Variants in SPPL2A observed in about 807,000 individuals in gnomAD.
SPPL2A encodes the protein signal peptide peptidase like 2A.
SPPL2A carries 51 observed loss-of-function variants against 63.8 expected under a neutral mutation model. The ratio of observed to expected loss-of-function variants is 0.80; its 90% CI spans 0.64 to 1.01. SPPL2A has a LOEUF of 1.01. Among genes scored for constraint, SPPL2A ranks in the 50% least tolerant of loss-of-function variants. The probability of loss-of-function intolerance (pLI) is 0.00; values close to 1 mark genes in which losing one functional copy is unlikely to be tolerated. For synonymous variants in SPPL2A, 188 were observed against 205.8 expected, an observed-to-expected ratio of 0.91 and a Z score of 0.74; for missense variants, 553 against 622.7, an observed-to-expected ratio of 0.89 and a Z score of 1.19.
At chr15:50,736,241 G>A in intron 7 of SPPL2A, 39 bp from the exon 8 acceptor site, 1 of 1,156,808 alleles carries the variant, frequency 8.6e-7, no homozygotes, top group Non-Finnish European at 1.3e-6. Context: ...TGCAGATGAA[G>A]TACAATGTTC....
At chr15:50,724,520 G>C (rs532784206) in intron 12 of SPPL2A, among the ~76,000 whole-genome samples, 2 of 151,794 alleles carry the variant, frequency 1.3e-5, no homozygotes, top group Admixed American at 6.6e-5. Flanking sequence ...GGAGGTTGCA[G>C]TGAGCTGAGG....
In SPPL2A at chr15:50,739,815, C is replaced by A. The variant is rs61752331; in HGVS notation, c.598G>T (p.Ala200Ser). ...SGLVELENLKAVTTEDREMRK... is the reference protein window; with the variant it reads ...SGLVELENLKSVTTEDREMRK... ...ATTTCTCTATCTTCAGTTGTCACTG[C>A]TTTCAAGTTTTCCCTGTACAAACAC... The change falls in exon 6 of 15, where the codon GCA (alanine) becomes TCA (serine). Residue 200 changes from alanine (A) to serine (S), a missense_variant. Physicochemically the swap from Ala to Ser is moderately conservative, Grantham distance 99. Transcript: ENST00000261854. 3,778 of 1,600,360 alleles carry A rather than the reference C, an allele frequency of 2.4e-3. 10 individuals carry two copies. Among genetic ancestry groups the A allele is most frequent in the Middle Eastern group, 8.8e-3 (53 of 6,028 alleles).
chr15:50,726,721 G>A (rs2141030734), intron 10 of SPPL2A, among the ~76,000 whole-genome samples: 1 of 152,286 alleles, frequency 6.6e-6, no homozygotes, highest in Middle Eastern at 3.4e-3. Context: ...AGTACTTTTA[G>A]TTACATTATG....
Position 50,725,340 on chromosome 15 carries a change from C to G in SPPL2A, c.1147-17G>C. On this transcript the variant is annotated splice_polypyrimidine_tract_variant and intron_variant, in intron 11 of 14. Coordinates refer to ENST00000261854, the MANE Select transcript of SPPL2A (RefSeq NM_032802.4). ...TACTGGCAACTGTTCAAAAACAAAA[C>G]AAAACAAAACAAAACAAAACAAAAA... The G allele has an allele frequency of 8.2e-7, 1 of 1,214,860 alleles. No homozygotes were observed. Among genetic ancestry groups the G allele is most frequent in the Non-Finnish European group, 1.2e-6 (1 of 846,238 alleles). 75.3% of individuals were successfully genotyped at this position (1,214,860 alleles called of 1,614,324 possible).
intron 1 of SPPL2A, among the ~76,000 whole-genome samples, chr15:50,755,604 G>A (rs1226930835): frequency 7.7e-6 from 1 of 130,462 alleles, no homozygotes; most frequent in African/African-American, 3.1e-5. Flanking sequence ...CTAGGGCCTA[G>A]GTGACAGAAG....
At chr15:50,725,750 G>T (rs1274932713) in intron 11 of SPPL2A, among the ~76,000 whole-genome samples, 1 of 152,052 alleles carries the variant, frequency 6.6e-6, no homozygotes, top group Non-Finnish European at 1.5e-5. Context: ...TTCTAGAAAT[G>T]GAATGATTAA....
chr15:50,744,280 CA>C (rs958543393), intron 5 of SPPL2A, among the ~76,000 whole-genome samples: 1 of 151,932 alleles, frequency 6.6e-6, no homozygotes, highest in African/African-American at 2.4e-5. Context: ...TTTCCAAATA[CA>C]AAAAATGTTT....
chr15:50,718,855 A>T (rs2062620752), intron 14 of SPPL2A, among the ~76,000 whole-genome samples: 1 of 152,166 alleles, frequency 6.6e-6, no homozygotes, highest in African/African-American at 2.4e-5. Context: ...CCACCCATCC[A>T]AAGTGTCTCT....
rs150054505 is a variant in SPPL2A, at chr15:50,747,515, G to A, written c.564C>T (p.Tyr188=). 3.7e-6 allele frequency: 6 copies of A among 1,610,894 alleles called. No homozygotes were observed. Among genetic ancestry groups the A allele is most frequent in the Non-Finnish European group, 5.1e-6 (6 of 1,178,954 alleles). Residue 188 remains tyrosine (Y), a synonymous_variant, in exon 5 of 15, where the codon TAC becomes TAT. Transcript: ENST00000261854. ...CTTACAATTCAACTAGTCCACTCCAGTATCCACCTAATGCCACAGTGAACA... is the reference window on the plus strand; with the variant it reads ...CTTACAATTCAACTAGTCCACTCCAATATCCACCTAATGCCACAGTGAACA... ...IAVFTVALGG[Y]WSGLVELENL... is the part of the protein sequence containing the mutation.
At chr15:50,717,794 C>A (rs1316446390) in intron 14 of SPPL2A, among the ~76,000 whole-genome samples, 1 of 152,116 alleles carries the variant, frequency 6.6e-6, no homozygotes, top group Non-Finnish European at 1.5e-5. Flanking sequence ...AAAGTCTGGA[C>A]ATAAATTTAA....
intron 11 of SPPL2A, 157 bp downstream of exon 11, chr15:50,726,164 T>TAGAATAACTA (rs1376832571): frequency 6.6e-7 from 1 of 1,505,816 alleles, no homozygotes; most frequent in African/African-American, 1.4e-5. Context: ...TTTAATAATT[T>TAGAATAACTA]AGAATAACTA....
At chr15:50,725,014 C>T (rs1357654022) in intron 12 of SPPL2A, among the ~76,000 whole-genome samples, 1 of 152,070 alleles carries the variant, frequency 6.6e-6, no homozygotes, top group Non-Finnish European at 1.5e-5. Flanking sequence ...CTTTTTGAGC[C>T]ATGGGAGCTA....
intron 1 of SPPL2A, among the ~76,000 whole-genome samples, chr15:50,759,549 C>T (rs146712097): frequency 9.7e-4 from 147 of 152,246 alleles, no homozygotes; most frequent in African/African-American, 3.4e-3. Context: ...CAAGACCATC[C>T]TGGCTAACAC....
At position 50,736,907 on chromosome 15, in the gene SPPL2A, G is replaced by GTT. The variant is rs35812835; in HGVS notation, c.734-169_734-168dup. Among the ~76,000 whole-genome samples the GTT allele has an allele frequency of 9.2e-4, 139 of 150,524 alleles. 1 individual carries two copies. The highest frequency in any genetic ancestry group is 2.6e-3 in the East Asian group (13 of 5,038). On this transcript the variant is annotated intron_variant, in intron 6 of 14. Coordinates refer to ENST00000261854, the MANE Select transcript of SPPL2A (RefSeq NM_032802.4). ...ACTAAGCTGAAATTTAGATCGTGAGGTTTTTTGTTTTTTTTTCTGAGAGTC... is the reference window on the plus strand; with the variant it reads ...ACTAAGCTGAAATTTAGATCGTGAGGTTTTTTTTGTTTTTTTTTCTGAGAGTC...
intron 14 of SPPL2A, among the ~76,000 whole-genome samples, chr15:50,719,213 T>C (rs961209958): frequency 2.0e-5 from 3 of 152,172 alleles, no homozygotes; most frequent in African/African-American, 7.2e-5. Context: ...GAATGCCCTA[T>C]CTAGTTTGGT....
At chr15:50,731,246 G>A (rs556199520) in intron 9 of SPPL2A, among the ~76,000 whole-genome samples, 2 of 151,676 alleles carry the variant, frequency 1.3e-5, no homozygotes, top group African/African-American at 2.4e-5. Flanking sequence ...AAAAATCACC[G>A]AACCAAAGAA....
chr15:50,706,612 CG>C lies in SPPL2A; in HGVS notation c.*1187del, dbSNP rs2062511786. On this transcript the variant is annotated 3_prime_UTR_variant, in exon 15 of 15. Transcript: ENST00000261854. ...GGGCATCAGGAAGAAAAAAAGATAA[CG>C]GGTGGGAGTGGGGGAATGTGGGATA... 6.6e-6 allele frequency: 1 copy of C among 151,566 alleles called. No individual in the cohort carries two copies. The highest frequency in any genetic ancestry group is 2.4e-5 in the African/African-American group (1 of 41,254). 9.4% of individuals were successfully genotyped at this position (151,566 alleles called of 1,614,324 possible).
intron 5 of SPPL2A, among the ~76,000 whole-genome samples, chr15:50,740,749 T>A (rs1288281761): frequency 6.6e-6 from 1 of 152,112 alleles, no homozygotes; most frequent in Non-Finnish European, 1.5e-5. Flanking sequence ...TAGCTGGGAC[T>A]ACAGGCACAT....
intron 1 of SPPL2A, among the ~76,000 whole-genome samples, chr15:50,755,317 CAA>C (rs112405405): frequency 1.1e-4 from 13 of 119,672 alleles, no homozygotes; most frequent in African/African-American, 2.0e-4. Context: ...GACTCTGTCT[CAA>C]AAAAAAAAAA....
Sources: allele counts gnomAD v4.1 joint callset (sites outside exome capture counted in the v4.1 genomes callset), GRCh38; gene constraint gnomAD v4.1.1; transcripts MANE v1.5; gene names NCBI Gene and HGNC (gene_info 2026-07-23, HGNC 2026-07-21).